The following SH3PXD2A variants were observed in gnomAD, a reference collection of about 807,000 sequenced individuals.
SH3PXD2A encodes SH3 and PX domain-containing protein 2A.
SH3PXD2A carries 32 observed loss-of-function variants against 115.2 expected under a neutral mutation model. The observed-to-expected ratio is 0.28, with a 90% CI of 0.21 to 0.37. The LOEUF (loss-of-function observed/expected upper bound fraction) is 0.37. SH3PXD2A is among the 10% of genes least tolerant of loss of function. The pLI, the probability that SH3PXD2A is intolerant of heterozygous loss-of-function variation, is 1.00. For missense variants in SH3PXD2A, 1,328 were observed against 1,498.7 expected, an observed-to-expected ratio of 0.89 and a Z score of 1.88; for synonymous variants, 610 against 629.1, an observed-to-expected ratio of 0.97 and a Z score of 0.45.
intron 3 of SH3PXD2A, among the ~76,000 whole-genome samples, chr10:103,753,495 CA>C (rs58148179): frequency 0.072 from 4,728 of 65,464 alleles, 223 homozygotes; most frequent in African/African-American, 0.22. Context: ...GACCCCATCT[CA>C]AAAAAAAAAA....
chr10:103,807,906 A>T (rs1297628186), intron 1 of SH3PXD2A, among the ~76,000 whole-genome samples: 1 of 152,202 alleles, frequency 6.6e-6, no homozygotes, highest in Non-Finnish European at 1.5e-5. Context: ...GGACACGATC[A>T]CCGCTCTGGC....
intron 2 of SH3PXD2A, among the ~76,000 whole-genome samples, chr10:103,792,298 T>C (rs889852848): frequency 6.6e-6 from 1 of 152,270 alleles, no homozygotes; most frequent in South Asian, 2.1e-4. Context: ...ATCATTTATC[T>C]AGAAAACCTT....
intron 2 of SH3PXD2A, among the ~76,000 whole-genome samples, chr10:103,794,879 T>G (rs185341960): frequency 6.6e-6 from 1 of 152,236 alleles, no homozygotes; most frequent in Non-Finnish European, 1.5e-5. Flanking sequence ...GTGTTTGGAA[T>G]AGCCGCTGAG....
chr10:103,653,473 G>A (rs1442735103), intron 8 of SH3PXD2A, among the ~76,000 whole-genome samples: 1 of 152,164 alleles, frequency 6.6e-6, no homozygotes, highest in African/African-American at 2.4e-5. Flanking sequence ...ATGCCACACC[G>A]AGGCCACCAC....
At chr10:103,737,311 C>A (rs1006109953) in intron 3 of SH3PXD2A, among the ~76,000 whole-genome samples, 3 of 152,052 alleles carry the variant, frequency 2.0e-5, no homozygotes, top group Admixed American at 6.5e-5. Context: ...TAAAGGACAC[C>A]CAATTTAGAT....
intron 5 of SH3PXD2A, among the ~76,000 whole-genome samples, chr10:103,717,208 C>CT (rs57490375): frequency 0.18 from 28,034 of 152,156 alleles, 2,797 homozygotes; most frequent in East Asian, 0.29. Context: ...CTCTGCTCCC[C>CT]GAGGTGGGCA....
intron 11 of SH3PXD2A, among the ~76,000 whole-genome samples, chr10:103,616,071 A>G (rs1337854086): frequency 6.6e-6 from 1 of 151,970 alleles, no homozygotes; most frequent in Non-Finnish European, 1.5e-5. Flanking sequence ...GGTGCGTGCC[A>G]TGGAGCCATG....
Position 103,601,879 on chromosome 10 carries a change from G to A in SH3PXD2A, c.3339C>T (p.Ile1113=), listed in dbSNP as rs755386148. ...RNPNGWWYCQ[I]LDGVKPFKGW... ...CTTTGAAGGGCTTCACACCATCCAGGATCTGGCAGTACCACCAGCCATTAG... is the reference window on the plus strand; with the variant it reads ...CTTTGAAGGGCTTCACACCATCCAGAATCTGGCAGTACCACCAGCCATTAG... Residue 1113 remains isoleucine (I), a synonymous_variant, in exon 15 of 15, where the codon ATC becomes ATT. Transcript: ENST00000369774. The A allele has an allele frequency of 6.2e-6, 10 of 1,613,676 alleles. No individual in the cohort carries two copies. Among genetic ancestry groups the A allele is most frequent in the Non-Finnish European group, 8.5e-6 (10 of 1,179,734 alleles).
intron 5 of SH3PXD2A, among the ~76,000 whole-genome samples, chr10:103,716,268 C>T (rs1387856666): frequency 6.6e-6 from 1 of 152,192 alleles, no homozygotes; most frequent in Non-Finnish European, 1.5e-5. Context: ...CTGGGGTTCC[C>T]CGCAGGAGGC....
At chr10:103,706,800 C>T (rs552970059) in intron 5 of SH3PXD2A, among the ~76,000 whole-genome samples, 59 of 152,300 alleles carry the variant, frequency 3.9e-4, no homozygotes, top group South Asian at 8.3e-4. Flanking sequence ...CTCTCCCCTC[C>T]TTTCCCCCCC....
At chr10:103,614,762 C>A (rs535332332) in intron 11 of SH3PXD2A, among the ~76,000 whole-genome samples, 1 of 152,070 alleles carries the variant, frequency 6.6e-6, no homozygotes, top group African/African-American at 2.4e-5. Flanking sequence ...CCTCCCCCCC[C>A]GCCCCGCCCA....
intron 1 of SH3PXD2A, among the ~76,000 whole-genome samples, chr10:103,811,183 T>C (rs2039267381): frequency 6.6e-6 from 1 of 152,112 alleles, no homozygotes; most frequent in South Asian, 2.1e-4. Flanking sequence ...AATGAGTGTA[T>C]AAACTAGGAA....
chr10:103,759,699 G>A (rs1461331528), intron 3 of SH3PXD2A, among the ~76,000 whole-genome samples: 1 of 152,184 alleles, frequency 6.6e-6, no homozygotes, highest in Non-Finnish European at 1.5e-5. Flanking sequence ...GTCTCCTCAG[G>A]CCAGCAAACT....
intron 1 of SH3PXD2A, among the ~76,000 whole-genome samples, chr10:103,846,289 G>A (rs761463515): frequency 4.6e-5 from 7 of 152,070 alleles, no homozygotes; most frequent in Non-Finnish European, 1.0e-4. Context: ...CACTTCCTCC[G>A]CTCAGGTAAC....
intron 6 of SH3PXD2A, chr10:103,677,994 G>A (rs2037561282): frequency 3.2e-6 from 2 of 627,156 alleles, no homozygotes; most frequent in Non-Finnish European, 5.2e-6. Flanking sequence ...CTCCCGTGCA[G>A]GCCTCCGAGC....
intron 4 of SH3PXD2A, among the ~76,000 whole-genome samples, chr10:103,726,467 C>T (rs1413469546): frequency 6.6e-6 from 1 of 152,222 alleles, no homozygotes; most frequent in Non-Finnish European, 1.5e-5. Flanking sequence ...GAAAGACTCA[C>T]TGGAAGGTAA....
chr10:103,839,191 G>A (rs758634602), intron 1 of SH3PXD2A, among the ~76,000 whole-genome samples: 3 of 151,962 alleles, frequency 2.0e-5, no homozygotes, highest in Non-Finnish European at 2.9e-5. Context: ...CTTTTTTCAT[G>A]CCTCCAGCCT....
intron 2 of SH3PXD2A, among the ~76,000 whole-genome samples, chr10:103,777,158 A>C (rs1291108326): frequency 6.6e-6 from 1 of 152,260 alleles, no homozygotes; most frequent in Non-Finnish European, 1.5e-5. Context: ...GAGAGGATTA[A>C]ATGAGATAAT....
intron 1 of SH3PXD2A, among the ~76,000 whole-genome samples, chr10:103,809,629 G>T (rs954899388): frequency 1.3e-5 from 2 of 151,438 alleles, no homozygotes; most frequent in Non-Finnish European, 2.9e-5. Context: ...TTTGTTTGCA[G>T]GAATCATGGG....
Sources: allele counts gnomAD v4.1 joint callset (sites outside exome capture counted in the v4.1 genomes callset), GRCh38; gene constraint gnomAD v4.1.1; transcripts MANE v1.5; gene names NCBI Gene and HGNC (gene_info 2026-07-23, HGNC 2026-07-21).